PTPRQ: variants seen among roughly 807,000 people sequenced by gnomAD.
The protein encoded by PTPRQ is phosphatidylinositol phosphatase PTPRQ.
A neutral mutation model predicts 246.0 loss-of-function variants in PTPRQ; 199 were observed. The ratio of observed to expected loss-of-function variants is 0.81; its 90% CI spans 0.72 to 0.91. The LOEUF (loss-of-function observed/expected upper bound fraction) is 0.91, where lower values mean the gene tolerates loss of function less well. Ranked by LOEUF, PTPRQ falls within the 40% of genes least tolerant of loss-of-function variation. The probability of loss-of-function intolerance (pLI) is 0.00; values close to 1 mark genes in which losing one functional copy is unlikely to be tolerated. For synonymous variants in PTPRQ, 869 were observed against 853.2 expected (o/e 1.02, Z -0.32); for missense variants, 2,624 against 2,528.4 (o/e 1.04, Z -0.81).
At chr12:80,473,944 C>A (rs1893732774) in intron 8 of PTPRQ, among the ~76,000 whole-genome samples, 1 of 152,218 alleles carries the variant, frequency 6.6e-6, no homozygotes, top group Non-Finnish European at 1.5e-5. Flanking sequence ...GGCCTCCTGG[C>A]AACTGGTGGG....
chr12:80,534,217 C>T, intron 18 of PTPRQ, 42 bp downstream of exon 18: 1 of 1,417,204 alleles, frequency 7.1e-7, no homozygotes, highest in South Asian at 1.6e-5. Context: ...TGTTCTTTTT[C>T]TTTAAAAAAA....
intron 35 of PTPRQ, among the ~76,000 whole-genome samples, chr12:80,646,774 G>C (rs1900089886): frequency 6.6e-6 from 1 of 152,022 alleles, no homozygotes; most frequent in Admixed American, 6.6e-5. Context: ...TCTTTAGGGA[G>C]AGATTTTAAA....
chr12:80,482,156 G>A (rs1315528291), intron 8 of PTPRQ, among the ~76,000 whole-genome samples: 1 of 151,704 alleles, frequency 6.6e-6, no homozygotes, highest in Admixed American at 6.6e-5. Context: ...AAAACAGCAT[G>A]GTACTGGTAC....
Position 80,613,760 on chromosome 12 carries a change from G to T in PTPRQ, c.5087G>T (p.Ser1696Ile). Residue 1696 changes from serine (S) to isoleucine (I), a missense_variant, in exon 29 of 45, where the codon AGT becomes ATT. Ser to Ile is a moderately radical substitution (Grantham distance 142). Coordinates refer to ENST00000644991, the MANE Select transcript of PTPRQ (RefSeq NM_001145026.2). ...ACTGCTGTCCAGATTCACAACCTCA[G>T]TATTATACAGAAAACCAACACATTC... ...DPTAVQIHNL[S>I]IIQKTNTFVI... is the part of the protein sequence containing the mutation. 1 of 1,544,288 alleles carries T rather than the reference G, an allele frequency of 6.5e-7. No homozygotes were observed. Among genetic ancestry groups the T allele is most frequent in the Non-Finnish European group, 8.8e-7 (1 of 1,142,384 alleles).
intron 19 of PTPRQ, 69 bp from the exon 20 acceptor site, chr12:80,539,707 C>A: frequency 1.6e-6 from 2 of 1,253,606 alleles, no homozygotes; most frequent in Non-Finnish European, 2.1e-6. Flanking sequence ...CCATTGATAA[C>A]AATTAGTTTG....
At chr12:80,529,869 G>T (rs2120789551) in intron 17 of PTPRQ, among the ~76,000 whole-genome samples, 1 of 152,086 alleles carries the variant, frequency 6.6e-6, no homozygotes, top group Non-Finnish European at 1.5e-5. Flanking sequence ...TCAAAAATAG[G>T]TTTAGAGTTA....
chr12:80,577,863 C>T (rs1245926621), intron 25 of PTPRQ, among the ~76,000 whole-genome samples: 2 of 152,070 alleles, frequency 1.3e-5, no homozygotes, highest in Non-Finnish European at 2.9e-5. Flanking sequence ...TGTAGTAGCA[C>T]TCAAAATCCT....
At chr12:80,458,619 G>T (rs776824586) in intron 4 of PTPRQ, among the ~76,000 whole-genome samples, 1 of 151,496 alleles carries the variant, frequency 6.6e-6, no homozygotes, top group Non-Finnish European at 1.5e-5. Flanking sequence ...TATTCTGAAG[G>T]ATCTTGGTGT....
intron 43 of PTPRQ, among the ~76,000 whole-genome samples, 165 bp downstream of exon 43, chr12:80,673,469 A>G (rs1355749560): frequency 6.6e-6 from 1 of 152,082 alleles, no homozygotes; most frequent in Non-Finnish European, 1.5e-5. Flanking sequence ...GATAGAGATT[A>G]TAGGAGAACT....
chr12:80,581,790 GA>G (rs1219667229), intron 25 of PTPRQ, among the ~76,000 whole-genome samples: 2 of 151,556 alleles, frequency 1.3e-5, no homozygotes, highest in African/African-American at 2.4e-5. Context: ...ACACCCAATA[GA>G]AAAAAAAGTA....
intron 34 of PTPRQ, among the ~76,000 whole-genome samples, chr12:80,633,057 C>T (rs1013299998): frequency 1.3e-5 from 2 of 152,096 alleles, no homozygotes; most frequent in African/African-American, 4.8e-5. Flanking sequence ...CCTCTATTGA[C>T]AAAGCCTCAC....
chr12:80,562,030 T>G (rs1048889199), intron 25 of PTPRQ, among the ~76,000 whole-genome samples: 1 of 152,192 alleles, frequency 6.6e-6, no homozygotes, highest in Non-Finnish European at 1.5e-5. Flanking sequence ...ATTGATAGTA[T>G]TCTTGCAATT....
intron 7 of PTPRQ, among the ~76,000 whole-genome samples, chr12:80,471,486 T>A (rs1010143748): frequency 1.2e-4 from 5 of 40,500 alleles, no homozygotes; most frequent in African/African-American, 4.7e-4. Context: ...TTTTTTTTTT[T>A]TTTTTATTTG....
At chr12:80,588,030 A>T (rs773130733) in intron 25 of PTPRQ, 99 bp from the exon 26 acceptor site, 8 of 1,261,976 alleles carry the variant, frequency 6.3e-6, no homozygotes, top group Non-Finnish European at 8.5e-6. Flanking sequence ...AATTTGACAG[A>T]TCTCTACTAG....
At chr12:80,497,045 G>T (rs565260399) in intron 14 of PTPRQ, among the ~76,000 whole-genome samples, 7 of 152,008 alleles carry the variant, frequency 4.6e-5, no homozygotes, top group African/African-American at 1.7e-4. Flanking sequence ...AACCTTTTTG[G>T]CACTGGGGAC....
At chr12:80,597,050 A>G (rs1437418946) in intron 26 of PTPRQ, among the ~76,000 whole-genome samples, 1 of 152,036 alleles carries the variant, frequency 6.6e-6, no homozygotes, top group African/African-American at 2.4e-5. Flanking sequence ...AAAAGTACCA[A>G]GAGATGGAGA....
At chr12:80,615,589 C>A (rs188524278) in intron 29 of PTPRQ, among the ~76,000 whole-genome samples, 1 of 151,154 alleles carries the variant, frequency 6.6e-6, no homozygotes, top group Non-Finnish European at 1.5e-5. Flanking sequence ...TGTGTATATG[C>A]TGCATTATGC....
chr12:80,653,610 T>A (rs900645101), intron 38 of PTPRQ, among the ~76,000 whole-genome samples: 2 of 152,156 alleles, frequency 1.3e-5, no homozygotes, highest in African/African-American at 4.8e-5. Context: ...ATATATATAT[T>A]TTTGTCTATG....
intron 25 of PTPRQ, among the ~76,000 whole-genome samples, chr12:80,576,904 C>T (rs529741608): frequency 6.6e-4 from 101 of 152,292 alleles, no homozygotes; most frequent in Non-Finnish European, 1.2e-3. Context: ...TCCTCATACT[C>T]ATTCTTGGGT....
Sources: gnomAD v4.1 joint callset for allele counts (sites outside exome capture counted in the v4.1 genomes callset) on GRCh38, gnomAD v4.1.1 for gene constraint, MANE v1.5 for transcripts, NCBI Gene and HGNC (gene_info 2026-07-23, HGNC 2026-07-21) for gene names.